CCDC178: variants seen among roughly 807,000 people sequenced by gnomAD.
CCDC178 encodes the protein coiled-coil domain-containing protein 178.
In CCDC178, 126 loss-of-function variants were observed where a neutral mutation model predicts 117.4. The ratio of observed to expected loss-of-function variants is 1.07; its 90% CI spans 0.93 to 1.24. The LOEUF (loss-of-function observed/expected upper bound fraction) is 1.24, where lower values mean the gene tolerates loss of function less well. Among genes scored for constraint, CCDC178 ranks in the 50% most tolerant of loss-of-function variants. The probability of loss-of-function intolerance (pLI) is 0.00; values close to 1 mark genes in which losing one functional copy is unlikely to be tolerated. For missense variants in CCDC178, 1,030 were observed against 986.9 expected, an observed-to-expected ratio of 1.04 and a Z score of -0.59; for synonymous variants, 283 against 313.4, an observed-to-expected ratio of 0.90 and a Z score of 1.02.
intron 11 of CCDC178, among the ~76,000 whole-genome samples, chr18:33,303,241 A>C (rs1198498924): frequency 6.6e-6 from 1 of 152,222 alleles, no homozygotes; most frequent in Non-Finnish European, 1.5e-5. Context: ...CAATCTGAAA[A>C]GGCTGAATCC....
chr18:33,132,399 C>G (rs756504175), intron 20 of CCDC178, among the ~76,000 whole-genome samples: 2 of 151,724 alleles, frequency 1.3e-5, no homozygotes, highest in Non-Finnish European at 3.0e-5. Context: ...ATTAAACCGT[C>G]TTTAACTGAC....
At chr18:33,333,506 CTT>C (rs11361411) in intron 9 of CCDC178, 112 bp from the exon 10 acceptor site, 11,640 of 151,410 alleles carry the variant, frequency 0.077, 6 homozygotes, top group South Asian at 0.13. Flanking sequence ...AATCTTACTA[CTT>C]TTTTTTTTTT....
intron 20 of CCDC178, among the ~76,000 whole-genome samples, chr18:33,195,993 T>C (rs1010010884): frequency 6.6e-6 from 1 of 152,200 alleles, no homozygotes; most frequent in Non-Finnish European, 1.5e-5. Context: ...CCTCACCTAC[T>C]GGGATGACCT....
At chr18:33,111,467 C>A (rs1481284573) in intron 20 of CCDC178, among the ~76,000 whole-genome samples, 2 of 151,422 alleles carry the variant, frequency 1.3e-5, no homozygotes, top group African/African-American at 2.4e-5. Flanking sequence ...TTATTTGATC[C>A]TTTTCTTCAT....
At chr18:33,405,431 C>T (rs2144876299) in intron 3 of CCDC178, among the ~76,000 whole-genome samples, 1 of 150,676 alleles carries the variant, frequency 6.6e-6, no homozygotes, top group South Asian at 2.1e-4. Flanking sequence ...CAGTAAAAAA[C>T]AAAAAATAAA....
At position 33,389,603 on chromosome 18, in the gene CCDC178, G is replaced by A; in HGVS notation, c.145C>T (p.Leu49=). ...EGNAMSQSLV[L]YGASKENSEG... Reference sequence around the variant, plus strand: ...CTGTTCTCCTTAGAGGCTCCATATAGAACCAAACTTTGAGACATGGCATTG... The same window carrying A: ...CTGTTCTCCTTAGAGGCTCCATATAAAACCAAACTTTGAGACATGGCATTG... The change falls in exon 5 of 23, where the codon CTA becomes TTA. Residue 49 remains leucine (L), a synonymous_variant. Transcript: ENST00000383096. 6.6e-7 allele frequency: 1 copy of A among 1,512,034 alleles called. No individual in the cohort carries two copies. Among genetic ancestry groups the A allele is most frequent in the Non-Finnish European group, 8.8e-7 (1 of 1,132,522 alleles). 93.7% of individuals were successfully genotyped at this position (1,512,034 alleles called of 1,614,324 possible).
intron 21 of CCDC178, among the ~76,000 whole-genome samples, chr18:32,977,944 TAAC>T (rs942534698): frequency 2.6e-5 from 4 of 152,166 alleles, no homozygotes; most frequent in African/African-American, 4.8e-5. Flanking sequence ...AGGAATTCCT[TAAC>T]AACAAGGTAA....
At chr18:33,091,620 T>A (rs1237448484) in intron 21 of CCDC178, among the ~76,000 whole-genome samples, 4 of 152,038 alleles carry the variant, frequency 2.6e-5, no homozygotes, top group Admixed American at 2.6e-4. Context: ...TTGATGTATC[T>A]TCATCTTGCT....
At chr18:33,341,215 T>TG (rs34739732) in intron 9 of CCDC178, among the ~76,000 whole-genome samples, 65,244 of 151,846 alleles carry the variant, frequency 0.43, 15,535 homozygotes, top group African/African-American at 0.65. Context: ...TGGACTTGCA[T>TG]GGCCCTGTAA....
chr18:33,394,941 G>GTATA, intron 4 of CCDC178, among the ~76,000 whole-genome samples: 1 of 68,778 alleles, frequency 1.5e-5, no homozygotes, highest in Non-Finnish European at 2.7e-5. Context: ...GTATATGTAT[G>GTATA]TGTATATATA....
chr18:32,981,742 A>C (rs1211074939), intron 21 of CCDC178, among the ~76,000 whole-genome samples: 1 of 152,162 alleles, frequency 6.6e-6, no homozygotes, highest in South Asian at 2.1e-4. Flanking sequence ...TCTTACCTAT[A>C]ATAAACAAAA....
At chr18:33,012,109 C>T (rs1182678199) in intron 21 of CCDC178, among the ~76,000 whole-genome samples, 1 of 152,166 alleles carries the variant, frequency 6.6e-6, no homozygotes, top group Non-Finnish European at 1.5e-5. Context: ...AATGCATTAG[C>T]ATGGATTCAT....
chr18:33,390,411 G>A (rs2063549809), intron 4 of CCDC178, among the ~76,000 whole-genome samples: 1 of 151,910 alleles, frequency 6.6e-6, no homozygotes, highest in Admixed American at 6.6e-5. Context: ...ATTCATAACA[G>A]TGAAAACTGG....
chr18:33,232,091 T>G (rs1314644512), intron 15 of CCDC178, among the ~76,000 whole-genome samples: 1 of 152,106 alleles, frequency 6.6e-6, no homozygotes, highest in Admixed American at 6.5e-5. Flanking sequence ...GATCAAAGGA[T>G]CACTTTGAAG....
intron 22 of CCDC178, among the ~76,000 whole-genome samples, chr18:32,963,312 T>G (rs1004224882): frequency 6.6e-6 from 1 of 152,060 alleles, no homozygotes; most frequent in Non-Finnish European, 1.5e-5. Flanking sequence ...TCACAGTGTT[T>G]CCATTCTTCC....
At chr18:33,151,784 G>T (rs271506) in intron 20 of CCDC178, among the ~76,000 whole-genome samples, 7,377 of 152,164 alleles carry the variant, frequency 0.048, 244 homozygotes, top group Middle Eastern at 0.099. Context: ...TCATGTAGTT[G>T]TCATTAGGAT....
intron 20 of CCDC178, among the ~76,000 whole-genome samples, chr18:33,136,976 A>C (rs902247044): frequency 2.0e-5 from 3 of 152,220 alleles, no homozygotes; most frequent in Non-Finnish European, 4.4e-5. Context: ...CAAACAGGCA[A>C]TATCCCTGAT....
At chr18:33,303,425 T>C (rs950172185) in intron 11 of CCDC178, among the ~76,000 whole-genome samples, 6 of 152,172 alleles carry the variant, frequency 3.9e-5, no homozygotes, top group Non-Finnish European at 2.9e-5. Context: ...TGTACACATG[T>C]CTTTATACAT....
At chr18:33,163,615 C>T (rs868195644) in intron 20 of CCDC178, among the ~76,000 whole-genome samples, 1 of 151,982 alleles carries the variant, frequency 6.6e-6, no homozygotes, top group African/African-American at 2.4e-5. Context: ...TCTTCAGTAC[C>T]CCCTTTTTCT....
Sources: gnomAD v4.1 joint callset for allele counts (sites outside exome capture counted in the v4.1 genomes callset) on GRCh38, gnomAD v4.1.1 for gene constraint, MANE v1.5 for transcripts, NCBI Gene and HGNC (gene_info 2026-07-23, HGNC 2026-07-21) for gene names.